RANBP17: variants seen among roughly 807,000 people sequenced by gnomAD.
RANBP17 encodes ran-binding protein 17.
RANBP17 carries 158 observed loss-of-function variants against 141.2 expected under a neutral mutation model. That is an observed-to-expected ratio of 1.12 (90% CI 0.98 to 1.28). The LOEUF is 1.28. Ranked by LOEUF, RANBP17 falls within the 50% of genes most tolerant of loss-of-function variation. The pLI, the probability that RANBP17 is intolerant of heterozygous loss-of-function variation, is 0.00. For missense variants in RANBP17, 1,438 were observed against 1,290.7 expected (o/e 1.11, Z -1.75); for synonymous variants, 430 against 450.0 (o/e 0.96, Z 0.56).
intron 14 of RANBP17, among the ~76,000 whole-genome samples, chr5:171,039,813 G>C (rs551076925): frequency 1.3e-5 from 2 of 152,196 alleles, no homozygotes; most frequent in African/African-American, 4.8e-5. Flanking sequence ...AACCTTCCAA[G>C]TTTGAATCAG....
At chr5:171,129,414 C>T (rs1392693837) in intron 14 of RANBP17, among the ~76,000 whole-genome samples, 1 of 152,128 alleles carries the variant, frequency 6.6e-6, no homozygotes. Context: ...GCTTAGAAAA[C>T]GGCTTCCTCT....
intron 24 of RANBP17, among the ~76,000 whole-genome samples, chr5:171,261,988 A>G (rs1034400359): frequency 1.3e-5 from 2 of 152,160 alleles, no homozygotes; most frequent in Non-Finnish European, 2.9e-5. Context: ...CCATAAATCA[A>G]CCATAATGGA....
At chr5:171,159,443 A>G (rs968288927) in intron 14 of RANBP17, among the ~76,000 whole-genome samples, 1 of 152,232 alleles carries the variant, frequency 6.6e-6, no homozygotes, top group Non-Finnish European at 1.5e-5. Flanking sequence ...ACAATAGGAG[A>G]AGCAACCTAG....
Position 170,905,029 on chromosome 5 carries a change from A to T in RANBP17, c.490-4632A>T, listed in dbSNP as rs1334992773. On this transcript the variant is annotated intron_variant, in intron 5 of 27. Transcript: ENST00000523189. Reference sequence around the variant, plus strand: ...TAACATGTATTTGTATTAAATTTTTAAAATAATTGCTTTCTTATCAAACCA... The same window carrying T: ...TAACATGTATTTGTATTAAATTTTTTAAATAATTGCTTTCTTATCAAACCA... 8.5e-5 allele frequency among the ~76,000 whole-genome samples: 13 copies of T among 152,296 alleles called. 1 individual carries two copies. The highest frequency in any genetic ancestry group is 8.8e-5 in the Non-Finnish European group (6 of 68,008).
At chr5:171,168,036 T>C (rs926379749) in intron 14 of RANBP17, among the ~76,000 whole-genome samples, 1 of 152,090 alleles carries the variant, frequency 6.6e-6, no homozygotes, top group Non-Finnish European at 1.5e-5. Context: ...CCACTGCACA[T>C]TAAAGCCACG....
intron 3 of RANBP17, among the ~76,000 whole-genome samples, chr5:170,887,568 A>G (rs943438451): frequency 4.6e-5 from 7 of 152,204 alleles, no homozygotes; most frequent in African/African-American, 1.7e-4. Context: ...AAAGATTCAT[A>G]ACATATTTTG....
intron 1 of RANBP17, among the ~76,000 whole-genome samples, chr5:170,873,979 T>G (rs889600980): frequency 6.6e-6 from 1 of 152,312 alleles, no homozygotes; most frequent in East Asian, 1.9e-4. Flanking sequence ...AAGTGGGCAT[T>G]TAGTGCTATA....
chr5:170,994,558 T>C (rs542702620), intron 14 of RANBP17, among the ~76,000 whole-genome samples: 1 of 152,190 alleles, frequency 6.6e-6, no homozygotes, highest in Admixed American at 6.5e-5. Context: ...ACTTTCTGTA[T>C]TGGGAGAAAG....
At chr5:170,991,529 A>C (rs1347386735) in intron 14 of RANBP17, among the ~76,000 whole-genome samples, 1 of 152,004 alleles carries the variant, frequency 6.6e-6, no homozygotes, top group Non-Finnish European at 1.5e-5. Context: ...AGTTATCAAC[A>C]ATCCAGTTAA....
At chr5:171,279,393 T>C (rs1767714734) in intron 25 of RANBP17, among the ~76,000 whole-genome samples, 1 of 152,184 alleles carries the variant, frequency 6.6e-6, no homozygotes, top group Non-Finnish European at 1.5e-5. Context: ...AGGGTCTGCA[T>C]CTGGCAAGGG....
intron 14 of RANBP17, among the ~76,000 whole-genome samples, chr5:171,138,874 A>C (rs896493190): frequency 6.6e-6 from 1 of 152,148 alleles, no homozygotes; most frequent in Non-Finnish European, 1.5e-5. Context: ...CCAGGAATTC[A>C]AGACTATCCC....
At chr5:171,278,359 A>G (rs1309312563) in intron 25 of RANBP17, among the ~76,000 whole-genome samples, 1 of 152,108 alleles carries the variant, frequency 6.6e-6, no homozygotes, top group Non-Finnish European at 1.5e-5. Context: ...TCTACTAAAA[A>G]TATTCAAAAA....
intron 8 of RANBP17, 29 bp from the exon 9 acceptor site, chr5:170,916,436 T>A (rs751577432): frequency 2.7e-6 from 4 of 1,504,926 alleles, no homozygotes. Context: ...CTTTGAAAAT[T>A]GAAATGAAAT....
chr5:171,041,865 C>T (rs1782269841), intron 14 of RANBP17, among the ~76,000 whole-genome samples: 1 of 152,002 alleles, frequency 6.6e-6, no homozygotes, highest in African/African-American at 2.4e-5. Flanking sequence ...GTCCCACATG[C>T]ATTAGCTATT....
At chr5:170,945,572 GTTC>G (rs1325928355) in intron 12 of RANBP17, among the ~76,000 whole-genome samples, 3 of 152,060 alleles carry the variant, frequency 2.0e-5, no homozygotes, top group Non-Finnish European at 4.4e-5. Context: ...CCTAGGCTGT[GTTC>G]TTATTAGCTA....
intron 14 of RANBP17, among the ~76,000 whole-genome samples, chr5:171,136,768 A>G (rs893533495): frequency 6.6e-6 from 1 of 152,122 alleles, no homozygotes; most frequent in Non-Finnish European, 1.5e-5. Context: ...GGCTAATTAG[A>G]GATTTAGAAA....
At chr5:171,206,548 A>C (rs368471764) in intron 20 of RANBP17, 2 of 161,354 alleles carry the variant, frequency 1.2e-5, no homozygotes, top group African/African-American at 4.8e-5. Context: ...AAAAAATTAT[A>C]TAATCTGAAA....
At chr5:170,881,665 A>C in intron 2 of RANBP17, 141 bp from the exon 3 acceptor site, 1 of 535,832 alleles carries the variant, frequency 1.9e-6, no homozygotes, top group East Asian at 3.0e-5. Flanking sequence ...ATGTATCTCA[A>C]GTTGACATAT....
intron 12 of RANBP17, among the ~76,000 whole-genome samples, chr5:170,927,041 T>C (rs1456494788): frequency 6.6e-6 from 1 of 152,142 alleles, no homozygotes; most frequent in African/African-American, 2.4e-5. Context: ...ATTTTAGTGA[T>C]TTAGTCTTTT....
Sources: allele counts gnomAD v4.1 joint callset (sites outside exome capture counted in the v4.1 genomes callset), GRCh38; gene constraint gnomAD v4.1.1; transcripts MANE v1.5; gene names NCBI Gene and HGNC (gene_info 2026-07-23, HGNC 2026-07-21).